Variants in WFDC11 observed in about 807,000 individuals in gnomAD.
WFDC11 encodes WAP four-disulfide core domain 11, also known as protein WFDC11.
Under a neutral mutation model 9.9 loss-of-function variants are expected in WFDC11, and 9 were observed. The observed-to-expected ratio is 0.91, with a 90% confidence interval of 0.55 to 1.58. The LOEUF (loss-of-function observed/expected upper bound fraction) is 1.58, where lower values mean the gene tolerates loss of function less well. Among genes scored for constraint, WFDC11 ranks in the 40% most tolerant of loss-of-function variants. The pLI, the probability that WFDC11 is intolerant of heterozygous loss-of-function variation, is 0.00. For synonymous variants in WFDC11, 32 were observed against 33.3 expected (o/e 0.96, Z 0.13); for missense variants, 106 against 101.7 (o/e 1.04, Z -0.18).
At chr20:45,668,202 T>G (rs940656912) in intron 1 of WFDC11, among the ~76,000 whole-genome samples, 3 of 152,120 alleles carry the variant, frequency 2.0e-5, no homozygotes, top group South Asian at 2.1e-4. Context: ...TAGATACCCT[T>G]ACAGTGCTAG....
At chr20:45,653,967 C>T (rs1186236649) in intron 2 of WFDC11, among the ~76,000 whole-genome samples, 3 of 152,116 alleles carry the variant, frequency 2.0e-5, no homozygotes, top group African/African-American at 7.2e-5. Context: ...CTTAGACTCC[C>T]ACACAATAAT....
chr20:45,658,303 TACA>T (rs909413223), intron 2 of WFDC11, among the ~76,000 whole-genome samples: 1 of 152,210 alleles, frequency 6.6e-6, no homozygotes, highest in African/African-American at 2.4e-5. Flanking sequence ...CACTATGCTA[TACA>T]ACAAGTCTCT....
At chr20:45,668,658 G>A (rs1380829161) in intron 1 of WFDC11, among the ~76,000 whole-genome samples, 2 of 151,996 alleles carry the variant, frequency 1.3e-5, no homozygotes, top group Non-Finnish European at 2.9e-5. Context: ...TATTCTAGTA[G>A]ACTTTTTCTT....
chr20:45,665,810 A>T (rs1378198819), intron 2 of WFDC11, among the ~76,000 whole-genome samples: 1 of 152,156 alleles, frequency 6.6e-6, no homozygotes, highest in Non-Finnish European at 1.5e-5. Context: ...CCAGAGGGGC[A>T]CTTGGCCATA....
chr20:45,650,398 A>G, intron 3 of WFDC11, 103 bp downstream of exon 3: 1 of 851,780 alleles, frequency 1.2e-6, no homozygotes, highest in Admixed American at 2.2e-5. Flanking sequence ...GATACTACGA[A>G]GGTGGGTCCT....
intron 2 of WFDC11, among the ~76,000 whole-genome samples, chr20:45,666,288 A>C (rs544498139): frequency 6.6e-6 from 1 of 152,344 alleles, no homozygotes; most frequent in African/African-American, 2.4e-5. Context: ...AAAGCACAGT[A>C]TTTGGGTGGG....
At chr20:45,658,804 G>T (rs1490601533) in intron 2 of WFDC11, among the ~76,000 whole-genome samples, 1 of 152,030 alleles carries the variant, frequency 6.6e-6, no homozygotes, top group Non-Finnish European at 1.5e-5. Context: ...CACGTGCCAT[G>T]GTGATTTGCT....
chr20:45,649,632 C>G (rs1390167266), intron 3 of WFDC11, among the ~76,000 whole-genome samples: 3 of 152,196 alleles, frequency 2.0e-5, no homozygotes, highest in South Asian at 2.1e-4. Flanking sequence ...TCGACCTCTG[C>G]AGGCTTTACC....
chr20:45,663,623 T>C (rs1983122640), intron 2 of WFDC11, among the ~76,000 whole-genome samples: 1 of 152,242 alleles, frequency 6.6e-6, no homozygotes, highest in African/African-American at 2.4e-5. Context: ...TCTGGTACGC[T>C]GTGTCTTTGT....
At chr20:45,658,020 A>G (rs1156373724) in intron 2 of WFDC11, among the ~76,000 whole-genome samples, 2 of 152,202 alleles carry the variant, frequency 1.3e-5, no homozygotes, top group Non-Finnish European at 2.9e-5. Flanking sequence ...GCTTGCTGTT[A>G]TATAATGACT....
At position 45,650,495 on chromosome 20, in the gene WFDC11, A is replaced by G; in HGVS notation, c.100+6T>C. ...CTGTGGCCCCTAATCCAGCCTCACC[A>G]CCTACTGTCATATCTTTTCTTCCTC... On this transcript the variant is annotated splice_donor_region_variant and intron_variant, in intron 3 of 4. Coordinates refer to ENST00000324384, the MANE Select transcript of WFDC11 (RefSeq NM_147197.2). 1 of 1,612,472 alleles carries G rather than the reference A, an allele frequency of 6.2e-7. No individual in the cohort carries two copies. The highest frequency in any genetic ancestry group is 8.5e-7 in the Non-Finnish European group (1 of 1,179,034).
At chr20:45,662,941 A>G (rs1186287943) in intron 2 of WFDC11, among the ~76,000 whole-genome samples, 1 of 152,184 alleles carries the variant, frequency 6.6e-6, no homozygotes, top group African/African-American at 2.4e-5. Flanking sequence ...TCATAAAATG[A>G]GTTAGGGAGG....
chr20:45,651,332 C>T (rs922829830), intron 2 of WFDC11, among the ~76,000 whole-genome samples: 10 of 152,172 alleles, frequency 6.6e-5, no homozygotes, highest in Admixed American at 2.6e-4. Context: ...AATATACATC[C>T]AGTACAAATC....
At chr20:45,650,883 A>G (rs1456792934) in intron 2 of WFDC11, among the ~76,000 whole-genome samples, 1 of 152,216 alleles carries the variant, frequency 6.6e-6, no homozygotes, top group African/African-American at 2.4e-5. Flanking sequence ...TTTGATTAAA[A>G]CATAATTCAA....
chr20:45,668,971 C>G (rs1983241207), intron 1 of WFDC11, among the ~76,000 whole-genome samples: 1 of 152,084 alleles, frequency 6.6e-6, no homozygotes, highest in African/African-American at 2.4e-5. Flanking sequence ...ATTACCAATT[C>G]TCTCTTCATA....
At chr20:45,650,396 G>T in intron 3 of WFDC11, 105 bp downstream of exon 3, 1 of 841,492 alleles carries the variant, frequency 1.2e-6, no homozygotes, top group East Asian at 2.6e-5. Flanking sequence ...GTGATACTAC[G>T]AAGGTGGGTC....
intron 2 of WFDC11, among the ~76,000 whole-genome samples, chr20:45,656,747 C>A (rs187008809): frequency 1.2e-3 from 184 of 149,402 alleles, no homozygotes; most frequent in Admixed American, 3.8e-3. Context: ...CAAGAAAAAA[C>A]CAAACCCATC....
chr20:45,648,601 G>C lies in WFDC11; in HGVS notation c.*118C>G, dbSNP rs1982731709. 8.9e-7 allele frequency: 1 copy of C among 1,117,804 alleles called. No homozygotes were observed. Among genetic ancestry groups the C allele is most frequent in the Admixed American group, 2.2e-5 (1 of 46,264 alleles). The allele number at this position is 1,117,804 out of a possible 1,614,324, so 69.2% of individuals were successfully genotyped here. A position where few individuals can be genotyped will look rare whatever the true frequency, so the allele number is the denominator to read the frequency against. On this transcript the variant is annotated 3_prime_UTR_variant, in exon 5 of 5. Coordinates refer to ENST00000324384, the MANE Select transcript of WFDC11 (RefSeq NM_147197.2). ...GTTTATTTGTCAAGTGTTTGCTGTTGTCCAGCTCTCAGTAAAAATAGACTG... is the reference window on the plus strand; with the variant it reads ...GTTTATTTGTCAAGTGTTTGCTGTTCTCCAGCTCTCAGTAAAAATAGACTG...
At chr20:45,652,601 G>C (rs1035945224) in intron 2 of WFDC11, among the ~76,000 whole-genome samples, 3 of 152,144 alleles carry the variant, frequency 2.0e-5, no homozygotes, top group African/African-American at 7.2e-5. Context: ...TTGATGAGTT[G>C]AGAGAAGGCT....
Sources: gnomAD v4.1 joint callset for allele counts (sites outside exome capture counted in the v4.1 genomes callset) on GRCh38, gnomAD v4.1.1 for gene constraint, MANE v1.5 for transcripts, NCBI Gene and HGNC (gene_info 2026-07-23, HGNC 2026-07-21) for gene names.